The following POU6F2 variants were observed in gnomAD, a reference collection of about 807,000 sequenced individuals.
POU6F2 encodes POU class 6 homeobox 2.
Under a neutral mutation model 71.3 loss-of-function variants are expected in POU6F2, and 31 were observed. That is an observed-to-expected ratio of 0.43 (90% CI 0.33 to 0.59). POU6F2 has a LOEUF of 0.59. Ranked by LOEUF, POU6F2 falls within the 20% of genes least tolerant of loss-of-function variation. POU6F2 has a pLI of 0.04. For missense variants in POU6F2, 783 were observed against 856.8 expected, an observed-to-expected ratio of 0.91 and a Z score of 1.07; for synonymous variants, 347 against 355.7, an observed-to-expected ratio of 0.98 and a Z score of 0.27.
intron 5 of POU6F2, among the ~76,000 whole-genome samples, chr7:39,342,782 A>G (rs1324362723): frequency 6.6e-6 from 1 of 152,192 alleles, no homozygotes; most frequent in African/African-American, 2.4e-5. Context: ...AAATTATCCA[A>G]ATACCTCGTA....
intron 1 of POU6F2, among the ~76,000 whole-genome samples, chr7:39,040,848 C>A (rs74677739): frequency 0.11 from 16,393 of 151,784 alleles, 1,109 homozygotes; most frequent in African/African-American, 0.18. Context: ...TTCTGTTTAC[C>A]CTTCCTGACA....
chr7:39,190,631 C>CT (rs58654872), intron 2 of POU6F2, among the ~76,000 whole-genome samples: 3,057 of 74,216 alleles, frequency 0.041, 292 homozygotes, highest in East Asian at 0.094. Context: ...GAGTCAACTT[C>CT]TTTTTTTTTT....
intron 2 of POU6F2, among the ~76,000 whole-genome samples, chr7:39,155,668 G>A (rs1313616313): frequency 1.3e-5 from 2 of 152,156 alleles, no homozygotes; most frequent in Admixed American, 1.3e-4. Context: ...TACATGTTGT[G>A]TCAGAGGATG....
intron 6 of POU6F2, among the ~76,000 whole-genome samples, chr7:39,415,972 C>T (rs1562821635): frequency 3.3e-5 from 5 of 152,096 alleles, no homozygotes; most frequent in African/African-American, 7.2e-5. Flanking sequence ...GGTTCAGAGT[C>T]CTGGTTCATT....
intron 5 of POU6F2, among the ~76,000 whole-genome samples, chr7:39,363,622 T>C (rs1043865401): frequency 6.7e-6 from 1 of 148,660 alleles, no homozygotes; most frequent in African/African-American, 2.5e-5. Flanking sequence ...ACTTTAAGGA[T>C]TTCTGAGGAG....
At chr7:38,999,622 A>G (rs527501234) in intron 1 of POU6F2, among the ~76,000 whole-genome samples, 68 of 152,298 alleles carry the variant, frequency 4.5e-4, no homozygotes, top group Non-Finnish European at 7.8e-4. Flanking sequence ...CAGAGGTGAC[A>G]ACTGTACAAT....
At chr7:39,212,505 T>G (rs1345241180) in intron 4 of POU6F2, among the ~76,000 whole-genome samples, 4 of 152,156 alleles carry the variant, frequency 2.6e-5, no homozygotes, top group African/African-American at 9.7e-5. Context: ...GTGAAATAAG[T>G]GAGTTCTGTG....
intron 5 of POU6F2, among the ~76,000 whole-genome samples, chr7:39,377,643 G>A (rs77909300): frequency 0.045 from 6,864 of 152,034 alleles, 214 homozygotes; most frequent in African/African-American, 0.081. Context: ...CTCCCCCCTC[G>A]CTGTGTCAAC....
intron 4 of POU6F2, among the ~76,000 whole-genome samples, chr7:39,286,939 C>CTT (rs57938154): frequency 2.3e-4 from 33 of 146,592 alleles, no homozygotes; most frequent in African/African-American, 2.8e-4. Context: ...TTTGAGGTAT[C>CTT]TTTTTTTTTT....
intron 4 of POU6F2, among the ~76,000 whole-genome samples, chr7:39,221,944 C>T (rs758036158): frequency 3.3e-5 from 5 of 152,076 alleles, no homozygotes; most frequent in Non-Finnish European, 5.9e-5. Context: ...AATTATCCTT[C>T]TATATCCTTA....
At chr7:39,266,937 G>A (rs1234179707) in intron 4 of POU6F2, among the ~76,000 whole-genome samples, 1 of 152,004 alleles carries the variant, frequency 6.6e-6, no homozygotes, top group African/African-American at 2.4e-5. Context: ...TAGAACACCA[G>A]AACTTATTCC....
chr7:39,236,646 T>C (rs1033464214), intron 4 of POU6F2, among the ~76,000 whole-genome samples: 7 of 152,194 alleles, frequency 4.6e-5, no homozygotes, highest in African/African-American at 1.7e-4. Flanking sequence ...GCTGAACCTG[T>C]TGCTAGTCAG....
At chr7:39,025,730 A>G (rs1789785721) in intron 1 of POU6F2, among the ~76,000 whole-genome samples, 1 of 150,738 alleles carries the variant, frequency 6.6e-6, no homozygotes, top group African/African-American at 2.4e-5. Flanking sequence ...AATGGCAACA[A>G]AAGCCAAAAT....
chr7:39,011,910 C>G (rs1402712821), intron 1 of POU6F2, among the ~76,000 whole-genome samples: 1 of 152,016 alleles, frequency 6.6e-6, no homozygotes, highest in Non-Finnish European at 1.5e-5. Context: ...GTCTGATGGG[C>G]TTCCCTTTGA....
At chr7:39,005,506 G>GTGTGTGTGTGTGTA (rs1051897604) in intron 1 of POU6F2, among the ~76,000 whole-genome samples, 1 of 151,718 alleles carries the variant, frequency 6.6e-6, no homozygotes, top group African/African-American at 2.4e-5. Context: ...GTGTGTGTGT[G>GTGTGTGTGTGTGTA]TGTGTGTGTT....
At chr7:39,130,011 G>A (rs978316161) in intron 2 of POU6F2, among the ~76,000 whole-genome samples, 3 of 144,040 alleles carry the variant, frequency 2.1e-5, no homozygotes, top group East Asian at 4.1e-4. Context: ...AGCTTGCAGC[G>A]AGCCAAAATC....
chr7:39,352,683 G>T (rs1193838526), intron 5 of POU6F2, among the ~76,000 whole-genome samples: 1 of 152,102 alleles, frequency 6.6e-6, no homozygotes, highest in Non-Finnish European at 1.5e-5. Flanking sequence ...TTTGAATGGG[G>T]AATTTACTTT....
chr7:39,071,853 T>G (rs1313554040), intron 1 of POU6F2, among the ~76,000 whole-genome samples: 1 of 152,216 alleles, frequency 6.6e-6, no homozygotes, highest in Admixed American at 6.5e-5. Flanking sequence ...TTTCCTCGTT[T>G]ATCTTAACAC....
chr7:39,000,570 C>G (rs1788877774), intron 1 of POU6F2, among the ~76,000 whole-genome samples: 1 of 150,236 alleles, frequency 6.7e-6, no homozygotes, highest in African/African-American at 2.4e-5. Context: ...CACACACCCT[C>G]CCAACTTACA....
Sources: allele counts gnomAD v4.1 joint callset (sites outside exome capture counted in the v4.1 genomes callset), GRCh38; gene constraint gnomAD v4.1.1; transcripts MANE v1.5; gene names NCBI Gene and HGNC (gene_info 2026-07-23, HGNC 2026-07-21).